Variants in EVA1A observed in about 807,000 individuals in gnomAD.
The protein encoded by EVA1A is eva-1 homolog A, regulator of programmed cell death, also known as protein eva-1 homolog A.
Under a neutral mutation model 9.8 loss-of-function variants are expected in EVA1A, and 7 were observed. That is an observed-to-expected ratio of 0.71 (90% CI 0.41 to 1.34). The LOEUF is 1.34. Ranked by LOEUF, EVA1A falls within the 40% of genes most tolerant of loss-of-function variation. The probability of loss-of-function intolerance (pLI) is 0.01; values close to 1 mark genes in which losing one functional copy is unlikely to be tolerated. For synonymous variants in EVA1A, 90 were observed against 85.6 expected (o/e 1.05, Z -0.28); for missense variants, 206 against 205.9 (o/e 1.00, Z 0.00).
upstream of EVA1A, among the ~76,000 whole-genome samples, chr2:75,565,852 T>A (rs1485845400): frequency 1.3e-5 from 2 of 152,240 alleles, no homozygotes; most frequent in South Asian, 2.1e-4. Flanking sequence ...GCCGAAAATT[T>A]TTTTTCATGC....
intron 1 of EVA1A, chr2:75,542,638 A>T (rs556201099): frequency 6.6e-6 from 1 of 151,832 alleles, no homozygotes; most frequent in African/African-American, 2.4e-5. Flanking sequence ...GTGCATAATC[A>T]CTCCCTCTTT....
chr2:75,569,163 TAATA>T (rs1029587430), intron 1 of EVA1A, among the ~76,000 whole-genome samples: 2 of 152,158 alleles, frequency 1.3e-5, no homozygotes, highest in African/African-American at 4.8e-5. Context: ...AATTTTAATT[TAATA>T]AATATTTTAA....
chr2:75,556,984 T>C (rs1676733738), intron 1 of EVA1A, among the ~76,000 whole-genome samples: 1 of 151,900 alleles, frequency 6.6e-6, no homozygotes, highest in Admixed American at 6.6e-5. Context: ...GATAGGAGAG[T>C]TCTCACCCTA....
intron 3 of EVA1A, among the ~76,000 whole-genome samples, chr2:75,497,610 G>C (rs1674256737): frequency 6.6e-6 from 1 of 152,042 alleles, no homozygotes; most frequent in African/African-American, 2.4e-5. Context: ...AACACTTTGG[G>C]AGGCTGAGGC....
chr2:75,551,016 G>C (rs1289730338), intron 1 of EVA1A, among the ~76,000 whole-genome samples: 1 of 152,156 alleles, frequency 6.6e-6, no homozygotes. Flanking sequence ...CCAGCTACTT[G>C]GGATGCTGAG....
chr2:75,548,985 T>A (rs190993804), intron 1 of EVA1A, among the ~76,000 whole-genome samples: 3,515 of 122,948 alleles, frequency 0.029, 51 homozygotes, highest in African/African-American at 0.049. Flanking sequence ...AAATGAAAAA[T>A]ATATATATAT....
At chr2:75,550,492 GC>G (rs1159868678) in intron 1 of EVA1A, among the ~76,000 whole-genome samples, 3 of 152,196 alleles carry the variant, frequency 2.0e-5, no homozygotes, top group African/African-American at 7.2e-5. Context: ...AATTCCCCAT[GC>G]CTGAAGTGGA....
At chr2:75,510,026 T>TG (rs1396992148) in intron 3 of EVA1A, among the ~76,000 whole-genome samples, 1 of 152,152 alleles carries the variant, frequency 6.6e-6, no homozygotes, top group Admixed American at 6.6e-5. Context: ...TTTGGTATTT[T>TG]GTATATGTTT....
chr2:75,527,581 T>C (rs1675496209), intron 1 of EVA1A, among the ~76,000 whole-genome samples: 1 of 152,068 alleles, frequency 6.6e-6, no homozygotes, highest in African/African-American at 2.4e-5. Flanking sequence ...AACCCTAAGA[T>C]GATAGGGATA....
intron 3 of EVA1A, among the ~76,000 whole-genome samples, chr2:75,495,309 G>T (rs926320248): frequency 5.9e-5 from 9 of 152,180 alleles, no homozygotes; most frequent in African/African-American, 1.7e-4. Flanking sequence ...GGGGCAACCA[G>T]CCCTAGGAGA....
chr2:75,522,786 G>A lies in EVA1A; in HGVS notation c.-191-299C>T, dbSNP rs183732929. On this transcript the variant is annotated intron_variant, in intron 1 of 3. Transcript: ENST00000393913. ...CCTGTCAGCCAAAATCCACAAAACAGCTAGTGTGGGATGTCCCAATCTGGC... is the reference window on the plus strand; with the variant it reads ...CCTGTCAGCCAAAATCCACAAAACAACTAGTGTGGGATGTCCCAATCTGGC... Among the ~76,000 whole-genome samples the A allele has an allele frequency of 1.1e-3, 162 of 152,350 alleles. 2 individuals are homozygous for A. The highest frequency in any genetic ancestry group is 2.0e-3 in the Non-Finnish European group (135 of 68,032).
intron 1 of EVA1A, chr2:75,542,378 G>A (rs1052616635): frequency 1.1e-4 from 16 of 152,246 alleles, no homozygotes; most frequent in African/African-American, 3.9e-4. Context: ...ACTGCCTAGA[G>A]TGAAATTCAA....
At position 75,524,425 on chromosome 2, in the gene EVA1A, C is replaced by G. The variant is rs531562884; in HGVS notation, c.-191-1938G>C. 2.3e-4 allele frequency among the ~76,000 whole-genome samples: 35 copies of G among 152,090 alleles called. 1 individual carries two copies. Among genetic ancestry groups the G allele is most frequent in the Non-Finnish European group, 4.3e-4 (29 of 67,980 alleles). On this transcript the variant is annotated intron_variant, in intron 1 of 3. Transcript: ENST00000393913. Reference sequence around the variant, plus strand: ...TACTACAACTACACTACATGCTGCTCTCACCAGGACCCTTCTGCTGCCCTC... The same window carrying G: ...TACTACAACTACACTACATGCTGCTGTCACCAGGACCCTTCTGCTGCCCTC...
Position 75,547,604 on chromosome 2 carries a change from C to T in EVA1A, c.-192+13076G>A, listed in dbSNP as rs543380895. ...TCTCTGGAAGAATCAGTCCACTGAG[C>T]ATTAAAGAAACAACTAGACATGTTC... On this transcript the variant is annotated intron_variant, in intron 1 of 3. Coordinates refer to ENST00000393913, the MANE Select transcript of EVA1A (RefSeq NM_001135032.2). 7.9e-5 allele frequency among the ~76,000 whole-genome samples: 12 copies of T among 152,304 alleles called. No homozygotes were observed. In the South Asian group the frequency reaches 1.5e-3, roughly 18 times the overall value.
At chr2:75,508,933 G>A (rs1674714998) in intron 3 of EVA1A, among the ~76,000 whole-genome samples, 1 of 152,078 alleles carries the variant, frequency 6.6e-6, no homozygotes, top group South Asian at 2.1e-4. Context: ...CTGAGGGGAG[G>A]AATGATACCC....
rs1275678325 is a variant in EVA1A, at chr2:75,518,104, C to T, written c.37G>A (p.Glu13Lys). Residue 13 changes from glutamate to lysine, a missense_variant, in exon 3 of 4, where the codon GAG becomes AAG. Transcript: ENST00000393913. ...LPLSHSPEHVEMALLSNILAA... is the reference protein window; with the variant it reads ...LPLSHSPEHVKMALLSNILAA... ...AGGATGTTGCTGAGCAAAGCCATCT[C>T]CACGTGCTCTGGGCTGTGGCTGAGG... is the stretch of plus-strand genomic sequence containing the variant. 6.2e-7 allele frequency: 1 copy of T among 1,614,102 alleles called. No individual in the cohort carries two copies. Among genetic ancestry groups the T allele is most frequent in the Non-Finnish European group, 8.5e-7 (1 of 1,180,000 alleles).
intron 3 of EVA1A, among the ~76,000 whole-genome samples, chr2:75,505,894 T>C (rs1331171007): frequency 2.6e-5 from 4 of 150,980 alleles, no homozygotes; most frequent in East Asian, 3.9e-4. Context: ...GTGTGTAGTA[T>C]AGTGAATATT....
chr2:75,520,457 G>A (rs1453249920), intron 2 of EVA1A, among the ~76,000 whole-genome samples: 3 of 152,144 alleles, frequency 2.0e-5, no homozygotes, highest in Non-Finnish European at 4.4e-5. Context: ...TAAATCTATA[G>A]TAATCAAAAC....
chr2:75,535,764 C>T (rs1051074811), intron 1 of EVA1A, among the ~76,000 whole-genome samples: 2 of 152,058 alleles, frequency 1.3e-5, no homozygotes, highest in Admixed American at 6.6e-5. Context: ...ATATAATAGA[C>T]ATTGGAGACT....
Sources: allele counts gnomAD v4.1 joint callset (sites outside exome capture counted in the v4.1 genomes callset), GRCh38; gene constraint gnomAD v4.1.1; transcripts MANE v1.5; gene names NCBI Gene and HGNC (gene_info 2026-07-23, HGNC 2026-07-21).